ADAT2: variants seen among roughly 807,000 people sequenced by gnomAD.
ADAT2 encodes tRNA-specific adenosine-34 deaminase catalytic subunit ADAT2.
Under a neutral mutation model 25.9 loss-of-function variants are expected in ADAT2, and 26 were observed. The observed-to-expected ratio is 1.00, with a 90% CI of 0.74 to 1.39. ADAT2 has a LOEUF of 1.39. Among genes scored for constraint, ADAT2 ranks in the 40% most tolerant of loss-of-function variants. ADAT2 has a pLI of 0.00. For synonymous variants in ADAT2, 76 were observed against 86.8 expected (o/e 0.88, Z 0.69); for missense variants, 220 against 244.8 (o/e 0.90, Z 0.68).
intron 1 of ADAT2, 131 bp downstream of exon 1, chr6:143,450,432 T>C: frequency 1.0e-6 from 1 of 964,152 alleles, no homozygotes; most frequent in African/African-American, 1.6e-5. Flanking sequence ...GTAAAGCCAG[T>C]TGTTCACCCA....
chr6:143,436,444 T>C lies in ADAT2; in HGVS notation c.201+2146A>G. The C allele has an allele frequency of 3.7e-6, 1 of 267,330 alleles. No individual in the cohort carries two copies. The highest frequency in any genetic ancestry group is 7.7e-6 in the Non-Finnish European group (1 of 130,410). 16.6% of individuals were successfully genotyped at this position (267,330 alleles called of 1,614,324 possible). On this transcript the variant is annotated intron_variant, in intron 2 of 5. Transcript: ENST00000237283. The surrounding 1 kb of genome is among the most constrained non-coding windows in gnomAD (Gnocchi z 4.1). ...GAAAACAGCTTTCTGGGACATCCCA[T>C]CCGCAGGACTAAAAACGTCCACCAC...
At position 143,428,727 on chromosome 6, in the gene ADAT2, A is replaced by G; in HGVS notation, c.460-43T>C. ...TTGAGAATAAACATAGGCCTATGAA[A>G]ATGTGTGCTGTATCCCATAAAAACA... is the stretch of plus-strand genomic sequence containing the variant. On this transcript the variant is annotated intron_variant, in intron 4 of 5. Coordinates refer to ENST00000237283, the MANE Select transcript of ADAT2 (RefSeq NM_182503.3). The surrounding 1 kb of genome is among the most constrained non-coding windows in gnomAD (Gnocchi z 5.0). 1 of 1,575,510 alleles carries G rather than the reference A, an allele frequency of 6.3e-7. No homozygotes were observed. Among genetic ancestry groups the G allele is most frequent in the Non-Finnish European group, 8.7e-7 (1 of 1,147,634 alleles).
At position 143,432,300 on chromosome 6, in the gene ADAT2, T is replaced by C. The variant is rs1161688410; in HGVS notation, c.459+205A>G. Among the ~76,000 whole-genome samples the C allele has an allele frequency of 1.3e-5, 2 of 152,198 alleles. No homozygotes were observed. Among genetic ancestry groups the C allele is most frequent in the African/African-American group, 4.8e-5 (2 of 41,442 alleles). The stretch of plus-strand genomic sequence containing the variant: ...TCTCCTTCAGGAGGGAGTCTGTTAA[T>C]GAAGAGAGGTAGGCACTCATCTAGA... On this transcript the variant is annotated intron_variant, in intron 4 of 5. Transcript: ENST00000237283. This position sits in a 1 kb window ranked among gnomAD's most constrained non-coding sequence, Gnocchi z 4.4.
chr6:143,443,262 A>G (rs1353640102), intron 1 of ADAT2, among the ~76,000 whole-genome samples: 1 of 152,116 alleles, frequency 6.6e-6, no homozygotes, highest in East Asian at 1.9e-4. Context: ...TTTGTGGAGC[A>G]CCTACCAAGG....
At position 143,423,869 on chromosome 6, in the gene ADAT2, A is replaced by G. The variant is rs887672850; in HGVS notation, c.*4594T>C. The G allele has an allele frequency of 2.6e-5, 4 of 152,206 alleles. No individual in the cohort carries two copies. The highest frequency in any genetic ancestry group is 9.7e-5 in the African/African-American group (4 of 41,446). The allele number at this position is 152,206 out of a possible 1,614,324, so 9.4% of individuals were successfully genotyped here. A position where few individuals can be genotyped will look rare whatever the true frequency, so the allele number is the denominator to read the frequency against. Reference sequence around the variant, plus strand: ...AGGATTCTTGCTAAAGCTGGGCTGTATAGGCCCATCAAGAATGGGGGCCAA... The same window carrying G: ...AGGATTCTTGCTAAAGCTGGGCTGTGTAGGCCCATCAAGAATGGGGGCCAA... On this transcript the variant is annotated 3_prime_UTR_variant, in exon 6 of 6. Coordinates refer to ENST00000237283, the MANE Select transcript of ADAT2 (RefSeq NM_182503.3).
At position 143,438,647 on chromosome 6, in the gene ADAT2, C is replaced by T. The variant is rs1265307523; in HGVS notation, c.144G>A (p.Met48Ile). Reference protein sequence around the residue: ...ENTEVPVGCLMVYNNEVVGKG... With the variant: ...ENTEVPVGCLIVYNNEVVGKG... ...TCCCTACAACTTCATTGTTGTAGAC[C>T]ATAAGACAGCCAACAGGAACTTCAG... Residue 48 changes from methionine (M) to isoleucine (I), a missense_variant, in exon 2 of 6, where the codon ATG (methionine) becomes ATA (isoleucine). By Grantham distance (10) the Met-to-Ile change is conservative. Coordinates refer to ENST00000237283, the MANE Select transcript of ADAT2 (RefSeq NM_182503.3). 1 of 1,613,394 alleles carries T rather than the reference C, an allele frequency of 6.2e-7. No homozygotes were observed. The highest frequency in any genetic ancestry group is 8.5e-7 in the Non-Finnish European group (1 of 1,179,514).
chr6:143,438,004 T>C (rs1291157287), intron 2 of ADAT2, among the ~76,000 whole-genome samples: 1 of 152,182 alleles, frequency 6.6e-6, no homozygotes, highest in African/African-American at 2.4e-5. Flanking sequence ...AAAATGTACA[T>C]GCTACATGTA....
rs767633302 is a variant in ADAT2 at position 143,432,607 on chromosome 6, G to A, written c.357C>T (p.Ile119=). Reference sequence around the variant, plus strand: ...TCTGACAGCCATATACAACCAGCGGGATTTATAAGACAGAATTAAGGTCCT... The same window carrying A: ...TCTGACAGCCATATACAACCAGCGGAATTTATAAGACAGAATTAAGGTCCT... ...MCAAALRLMK[I]PLVVYGCQNE... Residue 119 remains isoleucine (I), a synonymous_variant, in exon 4 of 6, where the codon ATC becomes ATT. Coordinates refer to ENST00000237283, the MANE Select transcript of ADAT2 (RefSeq NM_182503.3). The surrounding 1 kb of genome is among the most constrained non-coding windows in gnomAD (Gnocchi z 4.4). 1.9e-6 allele frequency: 3 copies of A among 1,614,004 alleles called. No individual in the cohort carries two copies. Among genetic ancestry groups the A allele is most frequent in the Non-Finnish European group, 2.5e-6 (3 of 1,179,890 alleles).
chr6:143,441,345 A>G (rs1020054366), intron 1 of ADAT2: 2 of 152,200 alleles, frequency 1.3e-5, no homozygotes, highest in Admixed American at 1.3e-4. Flanking sequence ...TAATAATCCC[A>G]TTAGAAAAAG....
chr6:143,430,477 C>T (rs9321908), intron 4 of ADAT2, among the ~76,000 whole-genome samples: 42,476 of 151,840 alleles, frequency 0.28, 6,165 homozygotes, highest in Admixed American at 0.32. Flanking sequence ...ACTGCACCGC[C>T]CTAACACACC....
chr6:143,431,917 G>T (rs868509432), intron 4 of ADAT2, among the ~76,000 whole-genome samples: 3 of 152,140 alleles, frequency 2.0e-5, no homozygotes, highest in Non-Finnish European at 4.4e-5. Flanking sequence ...AAAACTTTGG[G>T]AGAAGTGGCA....
intron 3 of ADAT2, 103 bp downstream of exon 3, chr6:143,433,728 C>A: frequency 8.1e-7 from 1 of 1,241,458 alleles, no homozygotes; most frequent in South Asian, 2.2e-5. Context: ...CAAGGTGTTT[C>A]CTAAGTCTGT....
At position 143,436,325 on chromosome 6, in the gene ADAT2, G is replaced by T; in HGVS notation, c.201+2265C>A. The T allele has an allele frequency of 4.2e-6, 1 of 238,794 alleles. No homozygotes were observed. 14.8% of individuals were successfully genotyped at this position (238,794 alleles called of 1,614,324 possible). ...TATCTAACAGAGGCTGCCATTTTCA[G>T]GGGCTGGATGTCCATGAGGGAGGTA... On this transcript the variant is annotated intron_variant, in intron 2 of 5. Transcript: ENST00000237283. The surrounding 1 kb of genome is among the most constrained non-coding windows in gnomAD (Gnocchi z 4.1).
At chr6:143,450,137 C>T (rs950966641) in intron 1 of ADAT2, among the ~76,000 whole-genome samples, 4 of 152,092 alleles carry the variant, frequency 2.6e-5, no homozygotes, top group African/African-American at 9.7e-5. Context: ...ATGCGAGACG[C>T]CGATTGTACA....
At position 143,425,778 on chromosome 6, in the gene ADAT2, T is replaced by TGTGTGC. The variant is rs71024852; in HGVS notation, c.*2684_*2685insGCACAC. 1 of 146,302 alleles carries TGTGTGC rather than the reference T, an allele frequency of 6.8e-6. No homozygotes were observed. The highest frequency in any genetic ancestry group is 2.5e-5 in the African/African-American group (1 of 39,476). 9.1% of individuals were successfully genotyped at this position (146,302 alleles called of 1,614,324 possible). A position where few individuals can be genotyped will look rare whatever the true frequency, so the allele number is the denominator to read the frequency against. On this transcript the variant is annotated 3_prime_UTR_variant, in exon 6 of 6. Coordinates refer to ENST00000237283, the MANE Select transcript of ADAT2 (RefSeq NM_182503.3). ...GTGTGTGTGTGTGTGTGTGTGTGTG[T>TGTGTGC]ATTTTATATATATATACTTTTCCCA...
intron 4 of ADAT2, among the ~76,000 whole-genome samples, chr6:143,431,829 C>T (rs113710235): frequency 0.011 from 1,735 of 152,208 alleles, 26 homozygotes; most frequent in African/African-American, 0.039. Flanking sequence ...AACAATCAAA[C>T]CAATTAATGA....
chr6:143,424,747 T>A lies in ADAT2; in HGVS notation c.*3716A>T, dbSNP rs1399414545. 10 of 152,360 alleles carry A rather than the reference T, an allele frequency of 6.6e-5. No homozygotes were observed. The East Asian group carries it at 1.7e-3, about 26-fold the overall frequency. 9.4% of individuals were successfully genotyped at this position (152,360 alleles called of 1,614,324 possible). A position where few individuals can be genotyped will look rare whatever the true frequency, so the allele number is the denominator to read the frequency against. On this transcript the variant is annotated 3_prime_UTR_variant, in exon 6 of 6. Coordinates refer to ENST00000237283, the MANE Select transcript of ADAT2 (RefSeq NM_182503.3). This position sits in a 1 kb window ranked among gnomAD's most constrained non-coding sequence, Gnocchi z 4.8. ...AAACATTCTTATTAGAAAAATTTTT[T>A]TTATCAATTTTGGCAGACAGTAAAA...
At chr6:143,443,144 A>G (rs1440935701) in intron 1 of ADAT2, among the ~76,000 whole-genome samples, 1 of 127,406 alleles carries the variant, frequency 7.8e-6, no homozygotes, top group Non-Finnish European at 1.7e-5. Flanking sequence ...ACTGAGGCAC[A>G]GGGAGATTTT....
At chr6:143,435,251 TA>T (rs1435737127) in intron 2 of ADAT2, among the ~76,000 whole-genome samples, 1 of 149,464 alleles carries the variant, frequency 6.7e-6, no homozygotes, top group African/African-American at 2.5e-5. Flanking sequence ...CAGCTCTCAA[TA>T]AACAATTGCT....
Sources: gnomAD v4.1 joint callset for allele counts (sites outside exome capture counted in the v4.1 genomes callset) on GRCh38, gnomAD v4.1.1 for gene constraint, Gnocchi (gnomAD v3.1) non-coding constraint, MANE v1.5 for transcripts, NCBI Gene and HGNC (gene_info 2026-07-23, HGNC 2026-07-21) for gene names.